Variants in PDK3 observed in about 807,000 individuals in gnomAD.
PDK3 encodes pyruvate dehydrogenase kinase 3.
A neutral mutation model predicts 32.0 loss-of-function variants in PDK3; 12 were observed. That is an observed-to-expected ratio of 0.37 (90% CI 0.24 to 0.61). The LOEUF is 0.61. PDK3 is among the 20% of genes least tolerant of loss of function. The pLI, the probability that PDK3 is intolerant of heterozygous loss-of-function variation, is 0.65. For missense variants in PDK3, 188 were observed against 316.9 expected, an observed-to-expected ratio of 0.59 and a Z score of 3.09; for synonymous variants, 122 against 116.3, an observed-to-expected ratio of 1.05 and a Z score of -0.31.
At chrX:24,490,322 A>G (rs1921521208) in intron 1 of PDK3, among the ~76,000 whole-genome samples, 1 of 111,415 alleles carries the variant, frequency 9.0e-6, no homozygotes, top group Admixed American at 9.6e-5. Context: ...TCTGTGAAGT[A>G]GATACTGCTC....
At chrX:24,494,716 A>G (rs1251233710) in intron 1 of PDK3, 26 bp from the exon 2 acceptor site, 1 of 1,137,803 alleles carries the variant, frequency 8.8e-7, no homozygotes, top group East Asian at 3.1e-5. Flanking sequence ...CTATAAAATC[A>G]TGGAACATTT....
At chrX:24,488,235 G>T (rs926668594) in intron 1 of PDK3, among the ~76,000 whole-genome samples, 11 of 111,084 alleles carry the variant, frequency 9.9e-5, no homozygotes, top group African/African-American at 2.6e-4. Flanking sequence ...CATAGGGAAG[G>T]CTCCCTGCAT....
Position 24,501,533 on chromosome X carries a change from G to A in PDK3, c.321-1794G>A, listed in dbSNP as rs150612639. On this transcript the variant is annotated intron_variant, in intron 3 of 10. Coordinates refer to ENST00000379162, the MANE Select transcript of PDK3 (RefSeq NM_005391.5). ...GTTCGAGACCAGCCTGGGCAACATG[G>A]TGAAACCCTGTCTCTACTAAAAATA... Among the ~76,000 whole-genome samples the A allele has an allele frequency of 9.1e-3, 1,021 of 112,639 alleles. 6 individuals are homozygous for A. Among genetic ancestry groups the A allele is most frequent in the Non-Finnish European group, 0.014 (731 of 53,288 alleles).
downstream of PDK3, chrX:24,539,264 A>G (rs2148206255): frequency 1.9e-6 from 1 of 527,542 alleles, no homozygotes; most frequent in Non-Finnish European, 3.2e-6. Flanking sequence ...GTGGCATCAC[A>G]GTTATTCCTA....
Position 24,534,110 on chromosome X carries a change from G to T in PDK3, c.*38G>T. Reference sequence around the variant, plus strand: ...ATTTCCATTACAAAGTATCTGATTTGTCTGAATAAAGGTGTCCCACTCACT... The same window carrying T: ...ATTTCCATTACAAAGTATCTGATTTTTCTGAATAAAGGTGTCCCACTCACT... On this transcript the variant is annotated 3_prime_UTR_variant, in exon 11 of 11. Transcript: ENST00000379162. 1.7e-6 allele frequency: 2 copies of T among 1,172,205 alleles called. No homozygotes were observed. Among genetic ancestry groups the T allele is most frequent in the Non-Finnish European group, 1.1e-6 (1 of 873,813 alleles).
intron 5 of PDK3, among the ~76,000 whole-genome samples, chrX:24,513,040 A>G (rs1363251837): frequency 8.9e-6 from 1 of 111,846 alleles, no homozygotes; most frequent in African/African-American, 3.2e-5. Flanking sequence ...TAATTAACTC[A>G]GCTTATCTTT....
intron 5 of PDK3, among the ~76,000 whole-genome samples, chrX:24,511,803 G>A (rs1480761836): frequency 9.4e-6 from 1 of 105,866 alleles, no homozygotes; most frequent in African/African-American, 3.5e-5. Flanking sequence ...AGCTGAGATT[G>A]CGCCATTACA....
chrX:24,498,600 G>A (rs1921774855), intron 2 of PDK3, among the ~76,000 whole-genome samples: 1 of 111,666 alleles, frequency 9.0e-6, no homozygotes, highest in African/African-American at 3.3e-5. Flanking sequence ...TTGGGCTAAT[G>A]AATAATTAGT....
At chrX:24,536,796 C>G (rs1311471911), downstream of PDK3, among the ~76,000 whole-genome samples, 1 of 111,132 alleles carries the variant, frequency 9.0e-6, no homozygotes, top group Non-Finnish European at 1.9e-5. Flanking sequence ...CATATAATTG[C>G]TTTTCTAACT....
intron 2 of PDK3, among the ~76,000 whole-genome samples, chrX:24,498,380 T>A (rs1921769645): frequency 9.0e-6 from 1 of 111,067 alleles, no homozygotes; most frequent in African/African-American, 3.3e-5. Flanking sequence ...CAGACTGGAT[T>A]CCCCCCTGGT....
At chrX:24,530,645 G>A (rs1328939704) in intron 9 of PDK3, among the ~76,000 whole-genome samples, 1 of 110,861 alleles carries the variant, frequency 9.0e-6, no homozygotes, top group East Asian at 2.8e-4. Context: ...CCAGAAGTGA[G>A]GAAGCTTGGT....
exon 12 of PDK3, chrX:24,550,295 G>GTGTT (rs1167389709): frequency 8.9e-6 from 1 of 112,001 alleles, no homozygotes; most frequent in Non-Finnish European, 1.9e-5. Context: ...ATGGAGAAAA[G>GTGTT]TGTTTCATTT....
In PDK3 at chrX:24,518,837, GCACA is replaced by G. The variant is rs3222401; in HGVS notation, c.596-56_596-53del. ...CCTATAGATATATACATGCACATGT[GCACA>G]CACACACACACACACACACACACAC... On this transcript the variant is annotated intron_variant, in intron 5 of 10. Coordinates refer to ENST00000379162, the MANE Select transcript of PDK3 (RefSeq NM_005391.5). 50,523 of 346,034 alleles carry G rather than the reference GCACA, an allele frequency of 0.15. 1,193 individuals are homozygous for G. The highest frequency in any genetic ancestry group is 0.2 in the Middle Eastern group (335 of 1,667). The allele number at this position is 346,034 out of a possible 1,213,427, so 28.5% of individuals were successfully genotyped here. A position where few individuals can be genotyped will look rare whatever the true frequency, so the allele number is the denominator to read the frequency against.
At chrX:24,488,401 A>G in intron 1 of PDK3, among the ~76,000 whole-genome samples, 1 of 112,453 alleles carries the variant, frequency 8.9e-6, no homozygotes, top group Non-Finnish European at 1.9e-5. Context: ...ATAAAAAACA[A>G]ACAGAGGCCA....
At chrX:24,513,762 G>A (rs796736907) in intron 5 of PDK3, 1 of 111,756 alleles carries the variant, frequency 8.9e-6, no homozygotes, top group African/African-American at 3.3e-5. Flanking sequence ...GTTCTAAAAT[G>A]CCTGTTCAGA....
Position 24,543,076 on chromosome X carries a change from T to C in PDK3, c.*3912T>C, listed in dbSNP as rs138395734. Reference sequence around the variant, plus strand: ...TGATTGTTTGCCCTGGATACTTGAATTCTTTGTTTATCCTTGAAATTTAGT... The same window carrying C: ...TGATTGTTTGCCCTGGATACTTGAACTCTTTGTTTATCCTTGAAATTTAGT... On this transcript the variant is annotated 3_prime_UTR_variant, in exon 12 of 12. Transcript: ENST00000568479. Among the ~76,000 whole-genome samples the C allele has an allele frequency of 8.9e-4, 100 of 112,294 alleles. 1 individual carries two copies. The highest frequency in any genetic ancestry group is 3.1e-3 in the African/African-American group (96 of 30,913).
At chrX:24,544,629 G>A (rs936546027) in exon 12 of PDK3, among the ~76,000 whole-genome samples, 1 of 111,841 alleles carries the variant, frequency 8.9e-6, no homozygotes, top group African/African-American at 3.3e-5. Context: ...CTGGAGACTC[G>A]GAGAAATGCC....
chrX:24,490,822 C>T (rs1187825625), intron 1 of PDK3, among the ~76,000 whole-genome samples: 1 of 111,617 alleles, frequency 9.0e-6, no homozygotes, highest in Non-Finnish European at 1.9e-5. Flanking sequence ...TCTCACTGCT[C>T]ACAACATGCT....
At chrX:24,490,714 A>G (rs1226978819) in intron 1 of PDK3, among the ~76,000 whole-genome samples, 1 of 110,544 alleles carries the variant, frequency 9.0e-6, no homozygotes, top group Admixed American at 9.7e-5. Flanking sequence ...TACCTTCCTA[A>G]AATTGAAAAA....
Sources: allele counts gnomAD v4.1 joint callset (sites outside exome capture counted in the v4.1 genomes callset), GRCh38; gene constraint gnomAD v4.1.1; transcripts MANE v1.5; gene names NCBI Gene and HGNC (gene_info 2026-07-23, HGNC 2026-07-21).